PLCG2: variants seen among roughly 807,000 people sequenced by gnomAD.
PLCG2 encodes 1-phosphatidylinositol 4,5-bisphosphate phosphodiesterase gamma-2.
PLCG2 carries 69 observed loss-of-function variants against 175.6 expected under a neutral mutation model. The ratio of observed to expected loss-of-function variants is 0.39; its 90% confidence interval spans 0.32 to 0.48. PLCG2 has a LOEUF of 0.48. PLCG2 is among the 20% of genes least tolerant of loss of function. The probability of loss-of-function intolerance (pLI) is 0.91; values close to 1 mark genes in which losing one functional copy is unlikely to be tolerated. For synonymous variants in PLCG2, 827 were observed against 624.0 expected (o/e 1.33, Z -4.85); for missense variants, 1,798 against 1,650.9 (o/e 1.09, Z -1.54).
intron 2 of PLCG2, among the ~76,000 whole-genome samples, chr16:81,787,293 C>G (rs921292654): frequency 1.1e-4 from 16 of 152,062 alleles, no homozygotes; most frequent in African/African-American, 3.9e-4. Flanking sequence ...ATGATCATGG[C>G]TCACTGCAGC....
At chr16:81,878,637 C>G (rs1243173703) in intron 7 of PLCG2, among the ~76,000 whole-genome samples, 5 of 152,166 alleles carry the variant, frequency 3.3e-5, no homozygotes, top group Non-Finnish European at 7.3e-5. Context: ...CCATCCCTGC[C>G]TCCTAGAGCA....
rs370148064 is a variant in PLCG2 at position 81,889,226 on chromosome 16, G to T, written c.820G>T (p.Asp274Tyr). 6.2e-7 allele frequency: 1 copy of T among 1,607,256 alleles called. No individual in the cohort carries two copies. Among genetic ancestry groups the T allele is most frequent in the African/African-American group, 1.3e-5 (1 of 74,278 alleles). Residue 274 changes from aspartate to tyrosine, a missense_variant, in exon 10 of 33, where the codon GAT becomes TAT. Transcript: ENST00000564138. ...KVRERMTKFI[D>Y]DTMRETAEPF... Reference sequence around the variant, plus strand: ...CCGTGAGCGGATGACAAAGTTCATTGATGACACCATGCGTGAAACTGCTGA... The same window carrying T: ...CCGTGAGCGGATGACAAAGTTCATTTATGACACCATGCGTGAAACTGCTGA...
intron 2 of PLCG2, among the ~76,000 whole-genome samples, chr16:81,840,690 G>A (rs747159776): frequency 4.1e-4 from 62 of 152,190 alleles, no homozygotes; most frequent in Non-Finnish European, 7.5e-4. Flanking sequence ...AGCTCAGGCA[G>A]TAATGTTCGC....
At chr16:81,833,690 T>G (rs1017922514) in intron 2 of PLCG2, among the ~76,000 whole-genome samples, 5 of 151,878 alleles carry the variant, frequency 3.3e-5, no homozygotes, top group Admixed American at 6.6e-5. Flanking sequence ...CCACTACTCC[T>G]GGCTAATTAT....
At chr16:81,929,623 T>C (rs1411195996) in intron 24 of PLCG2, among the ~76,000 whole-genome samples, 1 of 152,216 alleles carries the variant, frequency 6.6e-6, no homozygotes, top group Non-Finnish European at 1.5e-5. Context: ...CTCAAACTGC[T>C]GACCTCAAGT....
At chr16:81,743,674 A>C (rs1049056850) in intron 1 of PLCG2, among the ~76,000 whole-genome samples, 27 of 152,178 alleles carry the variant, frequency 1.8e-4, no homozygotes, top group African/African-American at 5.5e-4. Flanking sequence ...AGGAGAAAGG[A>C]AAGCTGCAGC....
intron 1 of PLCG2, among the ~76,000 whole-genome samples, chr16:81,746,292 A>C (rs575673186): frequency 1.3e-5 from 2 of 152,324 alleles, no homozygotes; most frequent in South Asian, 2.1e-4. Flanking sequence ...CGCCACTGGC[A>C]GGGTGCCTTG....
chr16:81,777,030 A>G (rs1040238023), upstream of PLCG2, among the ~76,000 whole-genome samples: 1 of 152,234 alleles, frequency 6.6e-6, no homozygotes, highest in Admixed American at 6.5e-5. Flanking sequence ...CATGAAAGAA[A>G]AAAAAGCAAA....
chr16:81,885,053 ATTT>A (rs36126447), intron 9 of PLCG2, among the ~76,000 whole-genome samples: 14 of 139,196 alleles, frequency 1.0e-4, no homozygotes, highest in Non-Finnish European at 1.6e-4. Context: ...ATGCCTGACA[ATTT>A]TTTTTTTTTT....
intron 2 of PLCG2, among the ~76,000 whole-genome samples, chr16:81,841,207 T>A (rs917846310): frequency 9.8e-4 from 7 of 7,176 alleles, no homozygotes; most frequent in African/African-American, 3.2e-3. Context: ...AAGTAAACTT[T>A]ATTTATTTAT....
chr16:81,756,205 G>T (rs893964529), intron 2 of PLCG2, among the ~76,000 whole-genome samples: 1 of 152,226 alleles, frequency 6.6e-6, no homozygotes, highest in Non-Finnish European at 1.5e-5. Flanking sequence ...AGGCCCAATG[G>T]ATGGGCCACA....
intron 22 of PLCG2, among the ~76,000 whole-genome samples, chr16:81,926,346 T>C (rs1910274057): frequency 6.6e-6 from 1 of 152,038 alleles, no homozygotes. Flanking sequence ...CTGCGGAAAA[T>C]AGCTCAAGAG....
At chr16:81,939,842 G>C (rs1160965877) in intron 29 of PLCG2, 50 bp from the exon 30 acceptor site, 2 of 1,313,734 alleles carry the variant, frequency 1.5e-6, no homozygotes, top group African/African-American at 2.9e-5. Flanking sequence ...TGTCTTACCA[G>C]AAGGGGGCAG....
chr16:81,935,593 T>C, intron 26 of PLCG2: 3 of 985,278 alleles, frequency 3.0e-6, no homozygotes, highest in Non-Finnish European at 3.6e-6. Flanking sequence ...GGGAGGCCAG[T>C]CCCTAGGAAC....
intron 1 of PLCG2, among the ~76,000 whole-genome samples, chr16:81,782,512 C>A (rs913224509): frequency 6.6e-6 from 1 of 152,270 alleles, no homozygotes; most frequent in East Asian, 1.9e-4. Flanking sequence ...AAGCGTGGAA[C>A]GCTGGAGACC....
chr16:81,840,412 A>T (rs1280938596), intron 2 of PLCG2, among the ~76,000 whole-genome samples: 1 of 152,168 alleles, frequency 6.6e-6, no homozygotes, highest in Non-Finnish European at 1.5e-5. Flanking sequence ...CATTACATTG[A>T]TTGTGTACTT....
At chr16:81,837,954 G>A (rs1324120127) in intron 2 of PLCG2, among the ~76,000 whole-genome samples, 1 of 152,074 alleles carries the variant, frequency 6.6e-6, no homozygotes, top group African/African-American at 2.4e-5. Context: ...ATTTAGTTAT[G>A]TACAATTTGG....
At chr16:81,742,862 A>G (rs186964498) in intron 1 of PLCG2, among the ~76,000 whole-genome samples, 1 of 152,212 alleles carries the variant, frequency 6.6e-6, no homozygotes, top group Admixed American at 6.5e-5. Flanking sequence ...AGTTCTTATC[A>G]TTGGTCCCGC....
intron 2 of PLCG2, among the ~76,000 whole-genome samples, chr16:81,800,262 A>G (rs1006521876): frequency 6.6e-6 from 1 of 152,332 alleles, no homozygotes; most frequent in East Asian, 1.9e-4. Context: ...TGTGGGATAC[A>G]TAGGTAAGCG....
Sources: allele counts gnomAD v4.1 joint callset (sites outside exome capture counted in the v4.1 genomes callset), GRCh38; gene constraint gnomAD v4.1.1; transcripts MANE v1.5; gene names NCBI Gene and HGNC (gene_info 2026-07-23, HGNC 2026-07-21).